The following LSAMP variants were observed in gnomAD, a reference collection of about 807,000 sequenced individuals.
LSAMP encodes limbic system associated membrane protein.
In LSAMP, 7 loss-of-function variants were observed where a neutral mutation model predicts 38.6. That is an observed-to-expected ratio of 0.18 (90% CI 0.10 to 0.34). The LOEUF is 0.34. Among genes scored for constraint, LSAMP ranks in the 10% least tolerant of loss-of-function variants. The pLI is 1.00. For missense variants in LSAMP, 313 were observed against 420.0 expected (o/e 0.75, Z 2.23); for synonymous variants, 154 against 166.8 (o/e 0.92, Z 0.59).
chr3:116,256,302 A>G lies in LSAMP; in HGVS notation c.156-169746T>C, dbSNP rs116853126. 5.8e-4 allele frequency among the ~76,000 whole-genome samples: 88 copies of G among 152,326 alleles called. No homozygotes were observed. The East Asian group carries it at 0.015, about 26-fold the overall frequency. On this transcript the variant is annotated intron_variant, in intron 1 of 6. Transcript: ENST00000490035. ...AACCTGTCTCTGAGCAAAACCAACC[A>G]GCAAAGCAAGAGCATTTGCGCAGAC...
intron 1 of LSAMP, among the ~76,000 whole-genome samples, chr3:116,171,759 T>A (rs915357930): frequency 2.0e-5 from 3 of 152,032 alleles, no homozygotes; most frequent in African/African-American, 7.2e-5. Flanking sequence ...AAAAGGAAAC[T>A]ATAAGAGATT....
chr3:115,834,502 T>G (rs989588834), intron 6 of LSAMP: 2 of 1,135,776 alleles, frequency 1.8e-6, no homozygotes, highest in African/African-American at 1.6e-5. Context: ...GTGTTTTGCA[T>G]GTTAAAGATG....
intron 1 of LSAMP, among the ~76,000 whole-genome samples, chr3:116,400,784 G>A (rs2048830244): frequency 6.6e-6 from 1 of 152,050 alleles, no homozygotes; most frequent in African/African-American, 2.4e-5. Flanking sequence ...GCCTGATCTT[G>A]TTTCTTTTAG....
At chr3:116,202,512 A>T (rs576189294) in intron 1 of LSAMP, among the ~76,000 whole-genome samples, 1 of 151,762 alleles carries the variant, frequency 6.6e-6, no homozygotes, top group East Asian at 1.9e-4. Context: ...TGGTGCGATC[A>T]TAGCTCACTG....
At chr3:116,047,263 C>A (rs1333593866) in intron 2 of LSAMP, among the ~76,000 whole-genome samples, 1 of 151,916 alleles carries the variant, frequency 6.6e-6, no homozygotes, top group Non-Finnish European at 1.5e-5. Context: ...AAGGTTGCAA[C>A]TCAGTCCGAA....
At position 115,810,060 on chromosome 3, in the gene LSAMP, G is replaced by GAA. The variant is rs2107444822; in HGVS notation, c.*256_*257insTT. ...TTACACAGCATACATTTGCTTAGTA[G>GAA]ATATAAACATATCCCAGTAGAACCT... On this transcript the variant is annotated 3_prime_UTR_variant, in exon 7 of 7. Transcript: ENST00000490035. The GAA allele has an allele frequency of 2.4e-6, 1 of 420,348 alleles. No individual in the cohort carries two copies. The highest frequency in any genetic ancestry group is 4.7e-5 in the East Asian group (1 of 21,184). 26.0% of individuals were successfully genotyped at this position (420,348 alleles called of 1,614,324 possible).
At chr3:115,867,390 G>C (rs999205735) in intron 3 of LSAMP, among the ~76,000 whole-genome samples, 1 of 151,920 alleles carries the variant, frequency 6.6e-6, no homozygotes, top group Non-Finnish European at 1.5e-5. Flanking sequence ...TAATTTTCTA[G>C]TGGGAAAAAC....
chr3:115,818,790 T>TTATATATATATATATATATATA (rs66654115), intron 6 of LSAMP, among the ~76,000 whole-genome samples: 1,450 of 68,630 alleles, frequency 0.021, 111 homozygotes, highest in Non-Finnish European at 0.027. Context: ...AGTTGTACTT[T>TTATATATATATATATATATATA]TATATATATA....
chr3:116,141,167 CTA>C (rs1363286709), intron 1 of LSAMP, among the ~76,000 whole-genome samples: 3 of 151,878 alleles, frequency 2.0e-5, no homozygotes, highest in African/African-American at 7.3e-5. Context: ...TTACTTGAAA[CTA>C]TATATATTTT....
chr3:116,201,466 C>T (rs932032242), intron 1 of LSAMP, among the ~76,000 whole-genome samples: 4 of 152,148 alleles, frequency 2.6e-5, no homozygotes, highest in Admixed American at 2.0e-4. Context: ...CCATCAGGAA[C>T]CTCCTGTGCA....
At chr3:116,250,413 T>C (rs931009432) in intron 1 of LSAMP, among the ~76,000 whole-genome samples, 9 of 152,186 alleles carry the variant, frequency 5.9e-5, no homozygotes, top group Non-Finnish European at 1.2e-4. Context: ...CTCCTTTATC[T>C]TGACTTTAAT....
intron 1 of LSAMP, among the ~76,000 whole-genome samples, chr3:116,331,738 T>A (rs975619500): frequency 5.9e-5 from 9 of 152,184 alleles, no homozygotes; most frequent in African/African-American, 1.9e-4. Context: ...AAGGTCCAAA[T>A]GAAGATAAAT....
At chr3:116,104,486 T>G (rs1708417729) in intron 1 of LSAMP, among the ~76,000 whole-genome samples, 1 of 151,890 alleles carries the variant, frequency 6.6e-6, no homozygotes. Context: ...GCTTTGTTCA[T>G]CGGGGAGAAA....
chr3:116,340,865 C>G lies in LSAMP; in HGVS notation c.155+104012G>C, dbSNP rs942864708. On this transcript the variant is annotated intron_variant, in intron 1 of 6. Transcript: ENST00000490035. Reference sequence around the variant, plus strand: ...GTGTCTAGACTCTCTGAAAGTGATACTACATAACCACATCCAGTTGGGCAA... The same window carrying G: ...GTGTCTAGACTCTCTGAAAGTGATAGTACATAACCACATCCAGTTGGGCAA... Among the ~76,000 whole-genome samples, 3 of 152,000 alleles carry G rather than the reference C, an allele frequency of 2.0e-5. No individual in the cohort carries two copies. The East Asian group carries it at 5.8e-4, about 29-fold the overall frequency.
chr3:116,079,669 ATTGTATTTTG>A (rs1707831391), intron 2 of LSAMP, among the ~76,000 whole-genome samples: 1 of 149,690 alleles, frequency 6.7e-6, no homozygotes, highest in Non-Finnish European at 1.5e-5. Flanking sequence ...AAGAAGCCTT[ATTGTATTTTG>A]TATACTTAAA....
chr3:116,340,182 T>C (rs1011284498), intron 1 of LSAMP, among the ~76,000 whole-genome samples: 1 of 152,002 alleles, frequency 6.6e-6, no homozygotes, highest in Non-Finnish European at 1.5e-5. Context: ...AGAAGACAAG[T>C]TTTCTAAAAT....
chr3:116,219,896 C>T (rs552241823), intron 1 of LSAMP, among the ~76,000 whole-genome samples: 8 of 152,094 alleles, frequency 5.3e-5, no homozygotes, highest in African/African-American at 1.2e-4. Flanking sequence ...CACAATGAGC[C>T]GGGGACAGTT....
At chr3:116,111,260 A>G (rs2107470882) in intron 1 of LSAMP, among the ~76,000 whole-genome samples, 1 of 152,338 alleles carries the variant, frequency 6.6e-6, no homozygotes, top group East Asian at 1.9e-4. Flanking sequence ...TTTGGAGTTG[A>G]CTATAGGACA....
Position 115,889,138 on chromosome 3 carries a change from C to T in LSAMP, c.515-36521G>A, listed in dbSNP as rs1299337454. ...GTAGGAAGTTGGGGTCCTTTTCATC[C>T]AGTACAGGGCTGGAATGGAAAGGTG... On this transcript the variant is annotated intron_variant, in intron 3 of 6. Coordinates refer to ENST00000490035, the MANE Select transcript of LSAMP (RefSeq NM_002338.5). 2.0e-5 allele frequency among the ~76,000 whole-genome samples: 3 copies of T among 151,864 alleles called. No individual in the cohort carries two copies. The East Asian group carries it at 5.8e-4, about 29-fold the overall frequency.
Sources: gnomAD v4.1 joint callset for allele counts (sites outside exome capture counted in the v4.1 genomes callset) on GRCh38, gnomAD v4.1.1 for gene constraint, MANE v1.5 for transcripts, NCBI Gene and HGNC (gene_info 2026-07-23, HGNC 2026-07-21) for gene names.